TCERG1L: variants seen among roughly 807,000 people sequenced by gnomAD.
The protein encoded by TCERG1L is transcription elongation regulator 1 like.
TCERG1L carries 37 observed loss-of-function variants against 56.3 expected under a neutral mutation model. The observed-to-expected ratio is 0.66, with a 90% CI of 0.51 to 0.87. The LOEUF (loss-of-function observed/expected upper bound fraction) is 0.87. Among genes scored for constraint, TCERG1L ranks in the 40% least tolerant of loss-of-function variants. TCERG1L has a pLI of 0.00. For missense variants in TCERG1L, 799 were observed against 774.2 expected (o/e 1.03, Z -0.38); for synonymous variants, 324 against 326.3 (o/e 0.99, Z 0.08).
chr10:131,140,412 G>T (rs1057449956), intron 7 of TCERG1L, among the ~76,000 whole-genome samples: 1 of 152,162 alleles, frequency 6.6e-6, no homozygotes, highest in African/African-American at 2.4e-5. Context: ...CTACTCGCTC[G>T]GATCCTGAGT....
intron 4 of TCERG1L, among the ~76,000 whole-genome samples, chr10:131,182,176 G>C (rs7900355): frequency 0.13 from 19,181 of 152,230 alleles, 1,356 homozygotes; most frequent in East Asian, 0.23. Flanking sequence ...AAATATGCAG[G>C]TCCCTTTAGA....
At chr10:131,144,848 G>C (rs754556870) in intron 7 of TCERG1L, among the ~76,000 whole-genome samples, 1 of 152,082 alleles carries the variant, frequency 6.6e-6, no homozygotes, top group Non-Finnish European at 1.5e-5. Flanking sequence ...ACGGAGCATC[G>C]AGCTATGAGC....
chr10:131,225,965 T>C (rs1237420018), intron 4 of TCERG1L, among the ~76,000 whole-genome samples: 1 of 152,170 alleles, frequency 6.6e-6, no homozygotes, highest in Non-Finnish European at 1.5e-5. Context: ...TTGAACAGGG[T>C]CTCACGCTGT....
chr10:131,185,641 C>T (rs187377247), intron 4 of TCERG1L, among the ~76,000 whole-genome samples: 6 of 152,126 alleles, frequency 3.9e-5, no homozygotes, highest in Admixed American at 3.9e-4. Flanking sequence ...TGAAAAGGTG[C>T]TCAAAATCAC....
At chr10:131,232,355 C>T (rs960237388) in intron 4 of TCERG1L, among the ~76,000 whole-genome samples, 6 of 152,210 alleles carry the variant, frequency 3.9e-5, no homozygotes, top group East Asian at 1.9e-4. Flanking sequence ...CAGTGGCACA[C>T]GCCGGGGCAC....
At chr10:131,245,028 G>A (rs745965618) in intron 4 of TCERG1L, among the ~76,000 whole-genome samples, 1 of 152,314 alleles carries the variant, frequency 6.6e-6, no homozygotes, top group African/African-American at 2.4e-5. Flanking sequence ...GAGTGGGGGA[G>A]CCCCTCAGCT....
rs1465970393 is a variant in TCERG1L at position 131,207,553 on chromosome 10, A to C, written c.857-40668T>G. 2.6e-5 allele frequency among the ~76,000 whole-genome samples: 4 copies of C among 152,248 alleles called. No homozygotes were observed. In the South Asian group the frequency reaches 8.3e-4, roughly 32 times the overall value. On this transcript the variant is annotated intron_variant, in intron 4 of 11. Coordinates refer to ENST00000368642, the MANE Select transcript of TCERG1L (RefSeq NM_174937.4). ...TACCATTTTGTTCTCCCCTGGCTCC[A>C]GTTAGCAGACCAGAAACAGCTACAT...
intron 3 of TCERG1L, among the ~76,000 whole-genome samples, chr10:131,271,042 C>T (rs1846334929): frequency 6.6e-6 from 1 of 152,192 alleles, no homozygotes; most frequent in Non-Finnish European, 1.5e-5. Context: ...GGCTCCACAT[C>T]GTGACTTCCT....
chr10:131,138,292 C>T (rs1845697063), intron 7 of TCERG1L, among the ~76,000 whole-genome samples: 1 of 151,958 alleles, frequency 6.6e-6, no homozygotes, highest in Admixed American at 6.6e-5. Context: ...ATAATAATAC[C>T]GAAAAATAAA....
intron 3 of TCERG1L, among the ~76,000 whole-genome samples, chr10:131,266,146 A>T (rs1254593653): frequency 6.6e-6 from 1 of 152,248 alleles, no homozygotes; most frequent in African/African-American, 2.4e-5. Flanking sequence ...GTTCACTCGT[A>T]AGAAGTAACT....
chr10:131,098,003 T>C (rs1184586894), intron 11 of TCERG1L, among the ~76,000 whole-genome samples: 5 of 152,214 alleles, frequency 3.3e-5, no homozygotes, highest in African/African-American at 1.2e-4. Context: ...ATTGGTTATT[T>C]GGGTCAGTCA....
Position 131,191,651 on chromosome 10 carries a change from T to G in TCERG1L, c.857-24766A>C, listed in dbSNP as rs77662063. 4.4e-4 allele frequency among the ~76,000 whole-genome samples: 62 copies of G among 141,832 alleles called. 1 individual carries two copies. In the East Asian group the frequency reaches 0.01, roughly 24 times the overall value. 93.0% of individuals were successfully genotyped at this position (141,832 alleles called of 152,430 possible). The stretch of plus-strand genomic sequence containing the variant: ...GTGCTGGGAAGACTGGCAAGCCACA[T>G]GTAGAAGAATGAAACTGGATCCCAT... On this transcript the variant is annotated intron_variant, in intron 4 of 11. Coordinates refer to ENST00000368642, the MANE Select transcript of TCERG1L (RefSeq NM_174937.4).
At chr10:131,149,449 T>C (rs1244450128) in intron 6 of TCERG1L, among the ~76,000 whole-genome samples, 1 of 152,214 alleles carries the variant, frequency 6.6e-6, no homozygotes, top group Non-Finnish European at 1.5e-5. Flanking sequence ...AGAACCCGGC[T>C]AGCATAGGAA....
At chr10:131,122,223 G>T (rs1330010298) in intron 8 of TCERG1L, among the ~76,000 whole-genome samples, 1 of 152,168 alleles carries the variant, frequency 6.6e-6, no homozygotes, top group African/African-American at 2.4e-5. Context: ...CACTAGAAAT[G>T]ACCTTTGGTA....
At chr10:131,259,928 C>A (rs1044853834) in intron 4 of TCERG1L, among the ~76,000 whole-genome samples, 3 of 152,244 alleles carry the variant, frequency 2.0e-5, no homozygotes. Context: ...TCACAACTTC[C>A]TGGGGTGCTT....
chr10:131,265,903 T>C (rs1289120228), intron 3 of TCERG1L, among the ~76,000 whole-genome samples: 1 of 152,242 alleles, frequency 6.6e-6, no homozygotes, highest in African/African-American at 2.4e-5. Flanking sequence ...ACAGCAACGC[T>C]TGCTACATTG....
rs919386626 is a variant in TCERG1L at position 131,248,420 on chromosome 10, TAA to T, written c.856+11837_856+11838del. ...TATTAATTATGACCTTGAGAGAGGT[TAA>T]GTCACAAAGCACACCAGGCTGATCT... On this transcript the variant is annotated intron_variant, in intron 4 of 11. Transcript: ENST00000368642. Among the ~76,000 whole-genome samples the T allele has an allele frequency of 7.3e-3, 1,110 of 152,218 alleles. 13 individuals carry two copies. Among genetic ancestry groups the T allele is most frequent in the African/African-American group, 0.026 (1,073 of 41,522 alleles).
At chr10:131,151,260 A>G (rs1039179669) in intron 6 of TCERG1L, among the ~76,000 whole-genome samples, 1 of 152,224 alleles carries the variant, frequency 6.6e-6, no homozygotes, top group African/African-American at 2.4e-5. Flanking sequence ...TCTGAGACAA[A>G]GCATGTCCCT....
At chr10:131,200,995 C>T (rs936849941) in intron 4 of TCERG1L, among the ~76,000 whole-genome samples, 2 of 152,178 alleles carry the variant, frequency 1.3e-5, no homozygotes, top group Non-Finnish European at 2.9e-5. Flanking sequence ...TCCCTCCCCT[C>T]GGGCGGATAC....
Sources: allele counts gnomAD v4.1 joint callset (sites outside exome capture counted in the v4.1 genomes callset), GRCh38; gene constraint gnomAD v4.1.1; transcripts MANE v1.5; gene names NCBI Gene and HGNC (gene_info 2026-07-23, HGNC 2026-07-21).